Variants in HMOX1 observed in about 807,000 individuals in gnomAD.
HMOX1 encodes heat shock protein, 32-kD.
Under a neutral mutation model 27.8 loss-of-function variants are expected in HMOX1, and 22 were observed. The observed-to-expected ratio is 0.79, with a 90% CI of 0.57 to 1.13. The LOEUF is 1.13. Ranked by LOEUF, HMOX1 falls within the 50% of genes most tolerant of loss-of-function variation. The probability of loss-of-function intolerance (pLI) is 0.00; values close to 1 mark genes in which losing one functional copy is unlikely to be tolerated. For synonymous variants in HMOX1, 153 were observed against 151.6 expected (o/e 1.01, Z -0.07); for missense variants, 379 against 377.7 (o/e 1.00, Z -0.03).
At chr22:35,390,177 C>G in intron 4 of HMOX1, 1 of 597,520 alleles carries the variant, frequency 1.7e-6, no homozygotes, top group Non-Finnish European at 3.0e-6. Context: ...CCTCTTGCCT[C>G]TGCCTCCCCA....
chr22:35,392,717 C>CTT (rs753975375), intron 4 of HMOX1, among the ~76,000 whole-genome samples: 6 of 136,316 alleles, frequency 4.4e-5, no homozygotes, highest in East Asian at 2.1e-4. Flanking sequence ...TGTTTTAAAT[C>CTT]TTTTTTTTTT....
chr22:35,384,071 A>G (rs1931450276), intron 2 of HMOX1, among the ~76,000 whole-genome samples: 1 of 151,782 alleles, frequency 6.6e-6, no homozygotes, highest in Non-Finnish European at 1.5e-5. Context: ...TTCCAACATG[A>G]GACATGCTTT....
At chr22:35,383,270 G>C (rs750606322) in intron 2 of HMOX1, 44 bp downstream of exon 2, 4 of 1,607,118 alleles carry the variant, frequency 2.5e-6, no homozygotes, top group African/African-American at 1.3e-5. Context: ...GGTGTGGCAG[G>C]TGTGGGTGGA....
rs79244717 is a variant in HMOX1, at chr22:35,388,394, G to A, written c.636+1218G>A. On this transcript the variant is annotated intron_variant, in intron 3 of 4. Coordinates refer to ENST00000216117, the MANE Select transcript of HMOX1 (RefSeq NM_002133.3). Reference sequence around the variant, plus strand: ...TTGAGCCCAGGAGGTCAAGGCTGCAGTAAGCCATGATTATGCTACTGCACT... The same window carrying A: ...TTGAGCCCAGGAGGTCAAGGCTGCAATAAGCCATGATTATGCTACTGCACT... Among the ~76,000 whole-genome samples the A allele has an allele frequency of 3.7e-3, 555 of 151,892 alleles. 3 individuals carry two copies. The highest frequency in any genetic ancestry group is 0.012 in the African/African-American group (483 of 41,462).
At chr22:35,381,404 T>G in intron 1 of HMOX1, 2 of 623,662 alleles carry the variant, frequency 3.2e-6, no homozygotes, top group Non-Finnish European at 5.6e-6. Context: ...CCTGGCACCC[T>G]GGTATGCGGT....
intron 2 of HMOX1, 135 bp from the exon 3 acceptor site, chr22:35,386,550 G>T: frequency 1.9e-6 from 2 of 1,043,542 alleles, no homozygotes; most frequent in South Asian, 1.4e-5. Flanking sequence ...GAGGATTGTA[G>T]CGAGGGGTGG....
At chr22:35,382,324 T>C (rs1931403137) in intron 1 of HMOX1, among the ~76,000 whole-genome samples, 1 of 151,922 alleles carries the variant, frequency 6.6e-6, no homozygotes, top group Admixed American at 6.6e-5. Context: ...ATTTGTTTTT[T>C]GTTTTTTGTT....
At chr22:35,387,512 T>G (rs1394759179) in intron 3 of HMOX1, among the ~76,000 whole-genome samples, 3 of 152,264 alleles carry the variant, frequency 2.0e-5, no homozygotes, top group Non-Finnish European at 4.4e-5. Context: ...GAATCAGTTG[T>G]AGCTCTCTGT....
At chr22:35,383,064 C>T (rs1455248276) in intron 1 of HMOX1, 42 bp from the exon 2 acceptor site, 2 of 1,610,266 alleles carry the variant, frequency 1.2e-6, no homozygotes, top group East Asian at 2.2e-5. Flanking sequence ...AGGACCCCAC[C>T]CCCAGCCAGC....
intron 3 of HMOX1, among the ~76,000 whole-genome samples, chr22:35,389,382 TCC>T (rs1569057542): frequency 0.043 from 3,189 of 73,494 alleles, 171 homozygotes; most frequent in East Asian, 0.064. Flanking sequence ...CTTCCTTCCT[TCC>T]TTCCTTCCTT....
rs140740892 is a variant in HMOX1 at position 35,393,571 on chromosome 22, A to G, written c.840A>G (p.Thr280=). ...TTACACTCAGCTTTCTGGTGGCGAC[A>G]GTTGCTGTAGGGCTTTATGCCATGT... ...WVLTLSFLVA[T]VAVGLYAM The change falls in exon 5 of 5, where the codon ACA becomes ACG. Residue 280 remains threonine, a synonymous_variant. Coordinates refer to ENST00000216117, the MANE Select transcript of HMOX1 (RefSeq NM_002133.3). 4.3e-4 allele frequency: 698 copies of G among 1,614,204 alleles called. 6 individuals carry two copies. In the African/African-American group the frequency reaches 8.2e-3, roughly 19 times the overall value.
Position 35,393,949 on chromosome 22 carries a change from A to G in HMOX1, c.*351A>G. 1 of 352,612 alleles carries G rather than the reference A, an allele frequency of 2.8e-6. No homozygotes were observed. Among genetic ancestry groups the G allele is most frequent in the Non-Finnish European group, 5.5e-6 (1 of 180,382 alleles). The allele number at this position is 352,612 out of a possible 1,614,324, so 21.8% of individuals were successfully genotyped here. ...AAGTATCCTTGTTGACACGGCCATG[A>G]CCACTTTCCCCGTGGGCCATGGCAA... On this transcript the variant is annotated 3_prime_UTR_variant, in exon 5 of 5. Coordinates refer to ENST00000216117, the MANE Select transcript of HMOX1 (RefSeq NM_002133.3).
chr22:35,383,427 T>C (rs1931431670), intron 2 of HMOX1, among the ~76,000 whole-genome samples: 1 of 152,162 alleles, frequency 6.6e-6, no homozygotes, highest in Admixed American at 6.5e-5. Context: ...GCCTGCTCTG[T>C]AATGTTGTGG....
intron 1 of HMOX1, among the ~76,000 whole-genome samples, chr22:35,382,270 G>A (rs1931401759): frequency 6.6e-6 from 1 of 152,144 alleles, no homozygotes; most frequent in Non-Finnish European, 1.5e-5. Flanking sequence ...TTTAATGACT[G>A]AAGAGTGTTT....
At chr22:35,386,645 C>G (rs375472638) in intron 2 of HMOX1, 40 bp from the exon 3 acceptor site, 9 of 1,613,524 alleles carry the variant, frequency 5.6e-6, no homozygotes, top group African/African-American at 4.0e-5. Flanking sequence ...TGGGGGTCTT[C>G]TATGTGGCTG....
At chr22:35,391,962 T>C (rs1245030850) in intron 4 of HMOX1, among the ~76,000 whole-genome samples, 2 of 151,900 alleles carry the variant, frequency 1.3e-5, no homozygotes, top group African/African-American at 4.8e-5. Context: ...CGATGGCTCA[T>C]GCCTGTAATC....
Position 35,381,488 on chromosome 22 carries a change from C to T in HMOX1, c.23+292C>T, listed in dbSNP as rs531052792. ...CCAATTTTTTTTTTAATCCTACTTT[C>T]GAGGTGTGTTTGGAGTTGCTCTCTG... On this transcript the variant is annotated intron_variant, in intron 1 of 4. Transcript: ENST00000216117. Among the ~76,000 whole-genome samples, 208 of 152,012 alleles carry T rather than the reference C, an allele frequency of 1.4e-3. 2 individuals carry two copies. The highest frequency in any genetic ancestry group is 4.8e-3 in the African/African-American group (199 of 41,446).
At chr22:35,389,289 CTTCTTTCTTCTTTCTTTCTTTCT>C (rs1399133108) in intron 3 of HMOX1, among the ~76,000 whole-genome samples, 1 of 102,970 alleles carries the variant, frequency 9.7e-6, no homozygotes, top group Non-Finnish European at 1.8e-5. Flanking sequence ...CTCTCTCTCT[CTTCTTTCTTCTTTCTTTCTTTCT>C]TTCTTTCTTC....
intron 4 of HMOX1, among the ~76,000 whole-genome samples, chr22:35,391,402 C>T (rs865868607): frequency 1.3e-5 from 2 of 151,844 alleles, no homozygotes; most frequent in Admixed American, 1.3e-4. Flanking sequence ...ATTCTCCTGC[C>T]TCAGCCTCCC....
Sources: gnomAD v4.1 joint callset for allele counts (sites outside exome capture counted in the v4.1 genomes callset) on GRCh38, gnomAD v4.1.1 for gene constraint, MANE v1.5 for transcripts, NCBI Gene and HGNC (gene_info 2026-07-23, HGNC 2026-07-21) for gene names.